The following UBXN2A variants were observed in gnomAD, a reference collection of about 807,000 sequenced individuals.
UBXN2A encodes UBX domain-containing protein 2A.
Under a neutral mutation model 28.4 loss-of-function variants are expected in UBXN2A, and 28 were observed. The observed-to-expected ratio is 0.99, with a 90% CI of 0.73 to 1.35. The LOEUF (loss-of-function observed/expected upper bound fraction) is 1.35. UBXN2A is among the 40% of genes most tolerant of loss of function. UBXN2A has a pLI of 0.00. For missense variants in UBXN2A, 253 were observed against 297.9 expected, an observed-to-expected ratio of 0.85 and a Z score of 1.11; for synonymous variants, 97 against 103.6, an observed-to-expected ratio of 0.94 and a Z score of 0.39.
intron 6 of UBXN2A, among the ~76,000 whole-genome samples, chr2:23,987,079 C>G (rs1437306639): frequency 6.6e-6 from 1 of 150,642 alleles, no homozygotes; most frequent in African/African-American, 2.4e-5. Context: ...GGTGACAGAG[C>G]AAGACCCTGT....
chr2:23,975,932 A>G (rs948212719), intron 3 of UBXN2A, among the ~76,000 whole-genome samples: 20 of 152,154 alleles, frequency 1.3e-4, no homozygotes, highest in Non-Finnish European at 2.9e-4. Flanking sequence ...GGCCACATCT[A>G]CTTTCCAGAG....
At chr2:23,944,319 A>T (rs1705929089) in intron 1 of UBXN2A, 2 of 1,604,096 alleles carry the variant, frequency 1.2e-6, no homozygotes, top group Non-Finnish European at 8.5e-7. Flanking sequence ...CCTGGTTCTT[A>T]CTGTGTTATT....
intron 1 of UBXN2A, among the ~76,000 whole-genome samples, chr2:23,954,584 T>A (rs1278557120): frequency 1.3e-5 from 2 of 152,188 alleles, no homozygotes; most frequent in Non-Finnish European, 2.9e-5. Flanking sequence ...GCTTTTTGTT[T>A]TCTTTTTAAT....
chr2:23,948,254 C>CTTTT (rs60805838), intron 1 of UBXN2A, among the ~76,000 whole-genome samples: 1 of 129,186 alleles, frequency 7.7e-6, no homozygotes, highest in Non-Finnish European at 1.7e-5. Flanking sequence ...TTTTCTTTTT[C>CTTTT]TTTTTTTTTT....
At chr2:23,928,236 A>AAAAG (rs1451560518) in intron 1 of UBXN2A, among the ~76,000 whole-genome samples, 1 of 148,232 alleles carries the variant, frequency 6.7e-6, no homozygotes, top group East Asian at 1.9e-4. Context: ...GAAAGAAAGA[A>AAAAG]AAAGAAAGAA....
intron 2 of UBXN2A, 112 bp downstream of exon 2, chr2:23,958,467 T>A: frequency 1.0e-6 from 1 of 955,712 alleles, no homozygotes; most frequent in Non-Finnish European, 1.5e-6. Context: ...TATGTATGAC[T>A]ACTTCATTGT....
In UBXN2A at chr2:23,956,177, TA is replaced by T. The variant is rs35223637; in HGVS notation, c.-14-2111del. 1.0e-3 allele frequency among the ~76,000 whole-genome samples: 149 copies of T among 147,330 alleles called. 1 individual carries two copies. The highest frequency in any genetic ancestry group is 1.9e-3 in the African/African-American group (77 of 40,088). On this transcript the variant is annotated intron_variant, in intron 1 of 6. Coordinates refer to ENST00000309033, the MANE Select transcript of UBXN2A (RefSeq NM_181713.4). ...CCATACCTGACCTCATCTTTTTTAT[TA>T]AAAAAAAAAAAATCTGATCGTATAG...
chr2:23,928,225 A>G (rs544525421), intron 1 of UBXN2A, among the ~76,000 whole-genome samples: 1 of 132,888 alleles, frequency 7.5e-6, no homozygotes, highest in Non-Finnish European at 1.6e-5. Context: ...AAGAAAGGAA[A>G]GAAAGAAAGA....
chr2:23,971,225 T>C lies in UBXN2A; in HGVS notation c.42-51T>C, dbSNP rs376286434. The C allele has an allele frequency of 4.5e-4, 648 of 1,440,038 alleles. 3 individuals carry two copies. Among genetic ancestry groups the C allele is most frequent in the Non-Finnish European group, 5.7e-4 (613 of 1,084,450 alleles). 89.2% of individuals were successfully genotyped at this position (1,440,038 alleles called of 1,614,324 possible). On this transcript the variant is annotated intron_variant, in intron 2 of 6. Transcript: ENST00000309033. ...CCTTAACTAGAACAAAATAAGTAAA[T>C]TTTTAGAGACCTAATAGTTAATAGT...
chr2:23,983,046 A>G lies in UBXN2A; in HGVS notation c.425+13A>G, dbSNP rs1395058816. The G allele has an allele frequency of 1.0e-5, 16 of 1,587,598 alleles. No individual in the cohort carries two copies. The highest frequency in any genetic ancestry group is 7.2e-5 in the Admixed American group (4 of 55,774). On this transcript the variant is annotated intron_variant, in intron 5 of 6. Transcript: ENST00000309033. The stretch of plus-strand genomic sequence containing the variant: ...ACAGACTAGGAAGGTAAATATGCCT[A>G]TTGTCTTGTTTTGCATAGATCAAGG...
chr2:23,987,211 A>G (rs1708166873), intron 6 of UBXN2A, among the ~76,000 whole-genome samples: 1 of 120,158 alleles, frequency 8.3e-6, no homozygotes, highest in South Asian at 2.8e-4. Context: ...GTACAGATAA[A>G]TAACAAATAT....
intron 1 of UBXN2A, chr2:23,943,887 C>T (rs1705895984): frequency 2.5e-6 from 1 of 401,250 alleles, no homozygotes; most frequent in African/African-American, 2.1e-5. Flanking sequence ...TGGTCATTGC[C>T]TCCGAGCGCA....
chr2:23,955,304 A>G (rs917107628), intron 1 of UBXN2A, among the ~76,000 whole-genome samples: 4 of 151,596 alleles, frequency 2.6e-5, no homozygotes. Context: ...TTCTTTGACT[A>G]TTTTCTAGAG....
rs200070699 is a variant in UBXN2A, at chr2:23,941,131, C to CT, written c.-15+493dup. Among the ~76,000 whole-genome samples, 127 of 148,752 alleles carry CT rather than the reference C, an allele frequency of 8.5e-4. 1 individual carries two copies. The Middle Eastern group carries it at 0.021, about 25-fold the overall frequency. On this transcript the variant is annotated intron_variant, in intron 1 of 6. Transcript: ENST00000309033. ...CGTTTCCTTAATTTCTTCTTTGTGC[C>CT]TTTTTTTTTTCCTTTTCGCTGCCAG...
At chr2:23,943,691 A>G (rs1042040177) in intron 1 of UBXN2A, among the ~76,000 whole-genome samples, 3 of 151,808 alleles carry the variant, frequency 2.0e-5, no homozygotes, top group Non-Finnish European at 4.4e-5. Flanking sequence ...GGGTTTCACC[A>G]TGTCGGTCAG....
chr2:23,967,513 T>C (rs1707227525), intron 2 of UBXN2A, among the ~76,000 whole-genome samples: 1 of 152,208 alleles, frequency 6.6e-6, no homozygotes, highest in Non-Finnish European at 1.5e-5. Flanking sequence ...TATATATATT[T>C]TCATTTAATC....
intron 2 of UBXN2A, among the ~76,000 whole-genome samples, chr2:23,969,782 T>C (rs985091377): frequency 1.3e-5 from 2 of 152,128 alleles, no homozygotes; most frequent in Admixed American, 1.3e-4. Flanking sequence ...ATCATGCAAC[T>C]GCACTTCATC....
rs760777704 is a variant in UBXN2A at position 23,983,026 on chromosome 2, C to T, written c.418C>T (p.Leu140=). ...GCCCTTTTCAGGACAGGGTCACAGA[C>T]TAGGAAGGTAAATATGCCTATTGTC... The part of the protein sequence containing the change: ...FQPFSGQGHR[L]GSATPKIVSK... The change falls in exon 5 of 7, where the codon CTA becomes TTA. Residue 140 remains leucine, a synonymous_variant. Coordinates refer to ENST00000309033, the MANE Select transcript of UBXN2A (RefSeq NM_181713.4). 1.3e-6 allele frequency: 2 copies of T among 1,595,970 alleles called. No homozygotes were observed. Among genetic ancestry groups the T allele is most frequent in the East Asian group, 2.2e-5 (1 of 44,580 alleles).
At chr2:23,996,510 C>G (rs1214446700) in intron 6 of UBXN2A, among the ~76,000 whole-genome samples, 1 of 128,998 alleles carries the variant, frequency 7.8e-6, no homozygotes. Flanking sequence ...GAGTTTCGCT[C>G]TTGTTGCCCA....
Sources: allele counts gnomAD v4.1 joint callset (sites outside exome capture counted in the v4.1 genomes callset), GRCh38; gene constraint gnomAD v4.1.1; transcripts MANE v1.5; gene names NCBI Gene and HGNC (gene_info 2026-07-23, HGNC 2026-07-21).